TLE1: variants seen among roughly 807,000 people sequenced by gnomAD.
TLE1 encodes the protein transducin-like enhancer protein 1.
Under a neutral mutation model 89.8 loss-of-function variants are expected in TLE1, and 21 were observed. The ratio of observed to expected loss-of-function variants is 0.23; its 90% confidence interval spans 0.17 to 0.34. TLE1 has a LOEUF of 0.34. Among genes scored for constraint, TLE1 ranks in the 10% least tolerant of loss-of-function variants. The pLI is 1.00. For missense variants in TLE1, 795 were observed against 1,031.2 expected, an observed-to-expected ratio of 0.77 and a Z score of 3.14; for synonymous variants, 447 against 407.6, an observed-to-expected ratio of 1.10 and a Z score of -1.16.
chr9:81,673,291 AAAAC>A (rs1832469744), intron 4 of TLE1, among the ~76,000 whole-genome samples: 1 of 151,430 alleles, frequency 6.6e-6, no homozygotes, highest in African/African-American at 2.4e-5. Flanking sequence ...AAAAAAAAAA[AAAAC>A]AGACTGCCAA....
intron 14 of TLE1, among the ~76,000 whole-genome samples, chr9:81,608,624 G>A (rs926765965): frequency 1.3e-5 from 2 of 152,100 alleles, no homozygotes; most frequent in African/African-American, 4.8e-5. Context: ...CCTAAGACAT[G>A]TAGCACCAGT....
chr9:81,659,173 G>T (rs918394961), intron 4 of TLE1, among the ~76,000 whole-genome samples: 2 of 152,102 alleles, frequency 1.3e-5, no homozygotes, highest in Non-Finnish European at 2.9e-5. Context: ...CTCCCAAAGT[G>T]GTGGGATTAC....
intron 14 of TLE1, among the ~76,000 whole-genome samples, chr9:81,609,134 G>A (rs1211927957): frequency 6.6e-6 from 1 of 151,738 alleles, no homozygotes; most frequent in Non-Finnish European, 1.5e-5. Flanking sequence ...ACCCAGGCTG[G>A]AGTGCAGTGG....
In TLE1 at chr9:81,584,165, A is replaced by C. The variant is rs1828012934; in HGVS notation, c.*33T>G. ...TATAAATTCGAAACATTTTGGCCCA[A>C]TTCAACTATAAACGTTAAACCACAT... On this transcript the variant is annotated 3_prime_UTR_variant, in exon 20 of 20. Coordinates refer to ENST00000376499, the MANE Select transcript of TLE1 (RefSeq NM_005077.5). 5 of 1,571,780 alleles carry C rather than the reference A, an allele frequency of 3.2e-6. No individual in the cohort carries two copies. Among genetic ancestry groups the C allele is most frequent in the Non-Finnish European group, 4.4e-6 (5 of 1,142,762 alleles).
chr9:81,615,081 CAAAAAAAAAAAAAAAAAA>C (rs34947337), intron 11 of TLE1, among the ~76,000 whole-genome samples: 41 of 25,088 alleles, frequency 1.6e-3, no homozygotes, highest in Non-Finnish European at 2.3e-3. Context: ...GACTCCATCT[CAAAAAAAAAAAAAAAAAA>C]AAAAAAAAAA....
chr9:81,624,580 T>C (rs1217559730), intron 8 of TLE1, among the ~76,000 whole-genome samples: 1 of 152,160 alleles, frequency 6.6e-6, no homozygotes, highest in African/African-American at 2.4e-5. Flanking sequence ...TTGATCAACA[T>C]GAGAACCAGT....
At chr9:81,637,881 C>A (rs1202027305) in intron 6 of TLE1, among the ~76,000 whole-genome samples, 1 of 151,998 alleles carries the variant, frequency 6.6e-6, no homozygotes, top group African/African-American at 2.4e-5. Flanking sequence ...GATACCTACC[C>A]ATTTCACAGA....
Position 81,595,767 on chromosome 9 carries a change from C to T in TLE1, c.1332-2493G>A, listed in dbSNP as rs1024900671. 1.5e-4 allele frequency among the ~76,000 whole-genome samples: 22 copies of T among 148,282 alleles called. 1 individual carries two copies. Among genetic ancestry groups the T allele is most frequent in the Middle Eastern group, 3.5e-3 (1 of 286 alleles). ...CTGGGAGGCGGAGCTTGTGGTGAGC[C>T]GAGATTGTGCCACTGCACTCCAGCC... On this transcript the variant is annotated intron_variant, in intron 14 of 19. Coordinates refer to ENST00000376499, the MANE Select transcript of TLE1 (RefSeq NM_005077.5).
chr9:81,645,211 T>C (rs1828695058), intron 6 of TLE1, among the ~76,000 whole-genome samples: 2 of 150,034 alleles, frequency 1.3e-5, no homozygotes, highest in African/African-American at 4.9e-5. Context: ...AATACAAAAT[T>C]AGCCAGGCAT....
intron 14 of TLE1, among the ~76,000 whole-genome samples, chr9:81,606,253 C>T (rs950519476): frequency 2.6e-5 from 4 of 152,170 alleles, no homozygotes; most frequent in African/African-American, 7.2e-5. Flanking sequence ...CCATTTGACC[C>T]AGCCATCCCA....
Position 81,611,857 on chromosome 9 carries a change from G to T in TLE1, c.1166C>A (p.Ala389Asp), listed in dbSNP as rs1219591140. 2 of 1,562,172 alleles carry T rather than the reference G, an allele frequency of 1.3e-6. No homozygotes were observed. Among genetic ancestry groups the T allele is most frequent in the Non-Finnish European group, 1.7e-6 (2 of 1,158,042 alleles). The stretch of plus-strand genomic sequence containing the variant: ...CATGTTGTGTAAACTGGCGTAGGCA[G>T]CGCCTGGGCTGGTCAGCTCGCCGTT... ...GMNGELTSPGAAYASLHNMSP... is the reference protein window; with the variant it reads ...GMNGELTSPGDAYASLHNMSP... The change falls in exon 13 of 20, where the codon GCT (alanine) becomes GAT (aspartate). Residue 389 changes from alanine (A) to aspartate (D), a missense_variant. Physicochemically the swap from Ala to Asp is moderately radical, Grantham distance 126. Around this residue, in one of 4 missense-constraint regions of TLE1, gnomAD observed 468 missense variants for 509.1 expected, o/e 0.92. Transcript: ENST00000376499.
intron 6 of TLE1, among the ~76,000 whole-genome samples, chr9:81,645,175 C>T (rs1282116154): frequency 6.6e-6 from 1 of 151,392 alleles, no homozygotes; most frequent in African/African-American, 2.4e-5. Context: ...GCCTGACCAA[C>T]ATGGAGAAAC....
chr9:81,662,363 G>T (rs1212280177), intron 4 of TLE1, among the ~76,000 whole-genome samples: 4 of 52,634 alleles, frequency 7.6e-5, no homozygotes, highest in Non-Finnish European at 1.5e-4. Flanking sequence ...TGCCTGTTTT[G>T]TGTGTGTGTG....
intron 4 of TLE1, among the ~76,000 whole-genome samples, chr9:81,667,799 A>G (rs1831677181): frequency 6.6e-6 from 1 of 152,138 alleles, no homozygotes; most frequent in Non-Finnish European, 1.5e-5. Context: ...GGAACCTGGA[A>G]TTATGTTTTT....
chr9:81,596,382 A>G (rs1318992308), intron 14 of TLE1, among the ~76,000 whole-genome samples: 1 of 152,164 alleles, frequency 6.6e-6, no homozygotes, highest in Non-Finnish European at 1.5e-5. Context: ...AGCCAAATCA[A>G]ATGAACACGC....
chr9:81,638,626 G>C (rs1204487885), intron 6 of TLE1, among the ~76,000 whole-genome samples: 3 of 151,866 alleles, frequency 2.0e-5, no homozygotes, highest in Admixed American at 6.6e-5. Context: ...GAGAATTTAT[G>C]CACACTTTTC....
rs573371207 is a variant in TLE1, at chr9:81,665,624, G to C, written c.235-11588C>G. On this transcript the variant is annotated intron_variant, in intron 4 of 19. Coordinates refer to ENST00000376499, the MANE Select transcript of TLE1 (RefSeq NM_005077.5). Reference sequence around the variant, plus strand: ...CAGATTGCAGGGGCCTGCATCTCCGGAGAAAGCTCTCCTATCTTCGCAGCA... The same window carrying C: ...CAGATTGCAGGGGCCTGCATCTCCGCAGAAAGCTCTCCTATCTTCGCAGCA... 3.9e-5 allele frequency among the ~76,000 whole-genome samples: 6 copies of C among 152,298 alleles called. No homozygotes were observed. In the East Asian group the frequency reaches 9.7e-4, roughly 25 times the overall value.
chr9:81,607,341 C>A (rs1831832346), intron 14 of TLE1, among the ~76,000 whole-genome samples: 1 of 140,402 alleles, frequency 7.1e-6, no homozygotes, highest in Non-Finnish European at 1.6e-5. Flanking sequence ...TGTTAATACA[C>A]ACACACACAC....
chr9:81,638,045 C>G (rs753182297), intron 6 of TLE1, among the ~76,000 whole-genome samples: 6 of 152,210 alleles, frequency 3.9e-5, no homozygotes, highest in Non-Finnish European at 8.8e-5. Context: ...AAGCCATTCT[C>G]TACTGAGACT....
Sources: gnomAD v4.1 joint callset for allele counts (sites outside exome capture counted in the v4.1 genomes callset) on GRCh38, gnomAD v4.1.1 for gene constraint, gnomAD v4.1.1 regional missense constraint, MANE v1.5 for transcripts, NCBI Gene and HGNC (gene_info 2026-07-23, HGNC 2026-07-21) for gene names.